CAMK2A: variants seen among roughly 807,000 people sequenced by gnomAD.
CAMK2A encodes calcium/calmodulin-dependent protein kinase type II subunit alpha.
CAMK2A carries 7 observed loss-of-function variants against 79.2 expected under a neutral mutation model. That is an observed-to-expected ratio of 0.09 (90% confidence interval 0.05 to 0.17). The LOEUF is 0.17. Ranked by LOEUF, CAMK2A falls within the 10% of genes least tolerant of loss-of-function variation. The probability of loss-of-function intolerance (pLI) is 1.00; values close to 1 mark genes in which losing one functional copy is unlikely to be tolerated. For missense variants in CAMK2A, 214 were observed against 646.4 expected (o/e 0.33, Z 7.25); for synonymous variants, 242 against 251.7 (o/e 0.96, Z 0.36).
chr5:150,249,844 G>A (rs1206043268), intron 11 of CAMK2A, among the ~76,000 whole-genome samples: 6 of 152,062 alleles, frequency 3.9e-5, no homozygotes, highest in Admixed American at 3.3e-4. Flanking sequence ...CACTGCGCCC[G>A]GCCACACTTT....
At chr5:150,263,051 A>T (rs767013271) in intron 3 of CAMK2A, among the ~76,000 whole-genome samples, 5 of 152,194 alleles carry the variant, frequency 3.3e-5, no homozygotes, top group Non-Finnish European at 5.9e-5. Flanking sequence ...GGGGCAGCTT[A>T]ATGATAATGA....
At chr5:150,257,176 C>T (rs1756094610) in intron 4 of CAMK2A, among the ~76,000 whole-genome samples, 1 of 152,156 alleles carries the variant, frequency 6.6e-6, no homozygotes, top group Admixed American at 6.5e-5. Flanking sequence ...TATTTTTTAT[C>T]GATGAGACTG....
intron 2 of CAMK2A, among the ~76,000 whole-genome samples, 157 bp downstream of exon 2, chr5:150,272,908 G>A (rs1392915218): frequency 6.6e-6 from 1 of 151,638 alleles, no homozygotes; most frequent in African/African-American, 2.4e-5. Flanking sequence ...AAAAAGGGAA[G>A]GTCTATTCTC....
At chr5:150,229,715 C>T (rs557140145) in intron 16 of CAMK2A, among the ~76,000 whole-genome samples, 8 of 152,338 alleles carry the variant, frequency 5.3e-5, no homozygotes, top group African/African-American at 1.4e-4. Flanking sequence ...CTGTGTCCTT[C>T]CAGAGCCACT....
chr5:150,224,066 G>A (rs73796377), intron 17 of CAMK2A, among the ~76,000 whole-genome samples: 4,169 of 152,246 alleles, frequency 0.027, 208 homozygotes, highest in African/African-American at 0.094. Flanking sequence ...ACTTTCCAGC[G>A]TTAGGGAGAG....
intron 1 of CAMK2A, among the ~76,000 whole-genome samples, chr5:150,288,545 C>T (rs1395417093): frequency 1.3e-5 from 2 of 152,142 alleles, no homozygotes; most frequent in East Asian, 3.9e-4. Flanking sequence ...CCTCAAAATG[C>T]ACACTAGTAC....
chr5:150,241,503 C>T (rs997845882), intron 13 of CAMK2A, among the ~76,000 whole-genome samples: 10 of 140,584 alleles, frequency 7.1e-5, no homozygotes, highest in Non-Finnish European at 1.5e-4. Context: ...TTCCTCTCCT[C>T]TCCTCTCCTC....
chr5:150,250,942 G>T, intron 9 of CAMK2A, 132 bp from the exon 10 acceptor site: 1 of 1,034,004 alleles, frequency 9.7e-7, no homozygotes, highest in Non-Finnish European at 1.4e-6. Context: ...ACCAGGAGGA[G>T]TTGGGGCTCC....
rs749509563 is a variant in CAMK2A at position 150,231,355 on chromosome 5, C to T, written c.1092G>A (p.Val364=). 1.9e-6 allele frequency: 3 copies of T among 1,588,022 alleles called. No individual in the cohort carries two copies. The change falls in exon 16 of 19, where the codon GTG becomes GTA. Residue 364 remains valine (V), a synonymous_variant. Coordinates refer to ENST00000671881, the MANE Select transcript of CAMK2A (RefSeq NM_015981.4). ...TKVRKQEIIK[V]TEQLIEAISN... Reference sequence around the variant, plus strand: ...TTATGGCTTCAATCAGCTGCTCTGTCACTTTTATAATTTCCTGTTTCCGCA... The same window carrying T: ...TTATGGCTTCAATCAGCTGCTCTGTTACTTTTATAATTTCCTGTTTCCGCA...
intron 3 of CAMK2A, among the ~76,000 whole-genome samples, chr5:150,263,300 T>C (rs557967599): frequency 2.0e-5 from 3 of 152,244 alleles, no homozygotes; most frequent in South Asian, 2.1e-4. Context: ...GAGGAGGCAG[T>C]GTTGACCTGA....
At chr5:150,246,464 C>T (rs1755572006) in intron 12 of CAMK2A, among the ~76,000 whole-genome samples, 2 of 152,278 alleles carry the variant, frequency 1.3e-5, no homozygotes, top group South Asian at 4.1e-4. Context: ...GAGACGACAG[C>T]AATCTGGGGT....
rs1472737162 is a variant in CAMK2A at position 150,284,755 on chromosome 5, C to T, written c.62+4809G>A. Among the ~76,000 whole-genome samples the T allele has an allele frequency of 6.6e-6, 1 of 152,172 alleles. No homozygotes were observed. The highest frequency in any genetic ancestry group is 2.4e-5 in the African/African-American group (1 of 41,430). On this transcript the variant is annotated intron_variant, in intron 1 of 18. Coordinates refer to ENST00000671881, the MANE Select transcript of CAMK2A (RefSeq NM_015981.4). This position sits in a 1 kb window ranked among gnomAD's most constrained non-coding sequence, Gnocchi z 5.3. Reference sequence around the variant, plus strand: ...TAGTCCCCTAGCCTGGGCCCTCTCTCTCCTGTGGCCTTGGACAAACCACTT... The same window carrying T: ...TAGTCCCCTAGCCTGGGCCCTCTCTTTCCTGTGGCCTTGGACAAACCACTT...
At position 150,223,322 on chromosome 5, in the gene CAMK2A, G is replaced by C; in HGVS notation, c.1238-105C>G. 1.1e-6 allele frequency: 1 copy of C among 888,260 alleles called. No individual in the cohort carries two copies. The allele number at this position is 888,260 out of a possible 1,614,324, so 55.0% of individuals were successfully genotyped here. On this transcript the variant is annotated intron_variant, in intron 17 of 18. Transcript: ENST00000671881. This position sits in a 1 kb window ranked among gnomAD's most constrained non-coding sequence, Gnocchi z 4.1. Reference sequence around the variant, plus strand: ...GCAGCCCTCTCAATGGAGGCGCCCTGCCTGACTCATTTGCAGGGAAGGGGC... The same window carrying C: ...GCAGCCCTCTCAATGGAGGCGCCCTCCCTGACTCATTTGCAGGGAAGGGGC...
chr5:150,275,659 G>A (rs191677191), intron 1 of CAMK2A, among the ~76,000 whole-genome samples: 17 of 152,292 alleles, frequency 1.1e-4, no homozygotes, highest in Admixed American at 3.3e-4. Context: ...ACATTTACCA[G>A]TTGTGCATGT....
At chr5:150,246,905 C>T (rs574513460) in intron 12 of CAMK2A, among the ~76,000 whole-genome samples, 1 of 152,376 alleles carries the variant, frequency 6.6e-6, no homozygotes, top group South Asian at 2.1e-4. Flanking sequence ...CTGGCCCCAG[C>T]CCCAGTCAGA....
At chr5:150,257,654 A>T (rs1307001117) in intron 3 of CAMK2A, 37 bp from the exon 4 acceptor site, 1 of 1,507,990 alleles carries the variant, frequency 6.6e-7, no homozygotes. Flanking sequence ...ACAGTGGGAC[A>T]CACTGCTGCA....
intron 2 of CAMK2A, among the ~76,000 whole-genome samples, chr5:150,267,764 A>C (rs1756574841): frequency 6.6e-6 from 1 of 152,120 alleles, no homozygotes; most frequent in African/African-American, 2.4e-5. Flanking sequence ...GCCTGTTGAC[A>C]AAGGAAGAGT....
chr5:150,275,787 G>T (rs1756920523), intron 1 of CAMK2A, among the ~76,000 whole-genome samples: 1 of 152,248 alleles, frequency 6.6e-6, no homozygotes, highest in East Asian at 1.9e-4. Flanking sequence ...CCATGTAGTT[G>T]GGGTGTGTCA....
chr5:150,275,386 T>TC (rs1195274718), intron 1 of CAMK2A, among the ~76,000 whole-genome samples: 1 of 152,078 alleles, frequency 6.6e-6, no homozygotes. Context: ...AAGGGGTTTT[T>TC]TTTCACACCA....
Sources: gnomAD v4.1 joint callset for allele counts (sites outside exome capture counted in the v4.1 genomes callset) on GRCh38, gnomAD v4.1.1 for gene constraint, Gnocchi (gnomAD v3.1) non-coding constraint, MANE v1.5 for transcripts, NCBI Gene and HGNC (gene_info 2026-07-23, HGNC 2026-07-21) for gene names.